MLXIP: variants seen among roughly 807,000 people sequenced by gnomAD.
MLXIP encodes the protein MLX-interacting protein.
MLXIP carries 30 observed loss-of-function variants against 87.2 expected under a neutral mutation model. The observed-to-expected ratio is 0.34, with a 90% confidence interval of 0.26 to 0.47. The LOEUF is 0.47. MLXIP is among the 20% of genes least tolerant of loss of function. The probability of loss-of-function intolerance (pLI) is 1.00; values close to 1 mark genes in which losing one functional copy is unlikely to be tolerated. For synonymous variants in MLXIP, 530 were observed against 514.0 expected, an observed-to-expected ratio of 1.03 and a Z score of -0.42; for missense variants, 1,002 against 1,240.1, an observed-to-expected ratio of 0.81 and a Z score of 2.88.
chr12:122,096,008 G>A (rs1952346103), intron 1 of MLXIP, among the ~76,000 whole-genome samples: 1 of 152,036 alleles, frequency 6.6e-6, no homozygotes, highest in African/African-American at 2.4e-5. Flanking sequence ...GGGACTACAG[G>A]CTTGGGCCAC....
intron 1 of MLXIP, among the ~76,000 whole-genome samples, chr12:122,095,009 TGTG>T (rs1414592291): frequency 1.1e-4 from 16 of 144,666 alleles, no homozygotes; most frequent in Admixed American, 2.8e-4. Flanking sequence ...GTCTGTGTGG[TGTG>T]GTGTTGGTGT....
rs573243484 is a variant in MLXIP at position 122,128,717 on chromosome 12, G to C, written c.607-420G>C. 16 of 173,124 alleles carry C rather than the reference G, an allele frequency of 9.2e-5. No homozygotes were observed. The South Asian group carries it at 2.0e-3, about 22-fold the overall frequency. The allele number at this position is 173,124 out of a possible 1,614,324, so 10.7% of individuals were successfully genotyped here. On this transcript the variant is annotated intron_variant, in intron 3 of 16. Transcript: ENST00000319080. ...GCGAAGGTTGGATGAGAGGCCCCTG[G>C]AGGGCACATTCCACCTGAAACTTCC...
At position 122,078,858 on chromosome 12, in the gene MLXIP, C is replaced by T; in HGVS notation, c.5C>T (p.Ala2Val). 1 of 1,090,066 alleles carries T rather than the reference C, an allele frequency of 9.2e-7. No individual in the cohort carries two copies. The highest frequency in any genetic ancestry group is 1.1e-6 in the Non-Finnish European group (1 of 896,236). The allele number at this position is 1,090,066 out of a possible 1,614,324, so 67.5% of individuals were successfully genotyped here. ...GCCCCCGGCCGAGCCCTTCTCATGG[C>T]CGCCGACGTCTTCATGTGCTCCCCG... is the stretch of plus-strand genomic sequence containing the variant. M[A>V]ADVFMCSPRR... is the part of the protein sequence containing the mutation. Residue 2 changes from alanine (A) to valine (V), a missense_variant, in exon 1 of 17, where the codon GCC (alanine) becomes GTC (valine). Around this residue, in one of 3 missense-constraint regions of MLXIP, gnomAD observed 129 missense variants for 104.2 expected, o/e 1.24. Transcript: ENST00000319080.
rs756124953 is a variant in MLXIP at position 122,140,963 on chromosome 12, A to G, written c.2518A>G (p.Ile840Val). ...TAACCACACACTGCAGTTCAGCATC[A>G]TCATCAAGCCGCTGTTTGAGTCGTT... is the stretch of plus-strand genomic sequence containing the variant. ...QNWKFWIFSI[I>V]IKPLFESFKG... The change falls in exon 16 of 17, where the codon ATC becomes GTC. Residue 840 changes from isoleucine (I) to valine (V), a missense_variant. Physicochemically the swap from Ile to Val is conservative, Grantham distance 29. Around this residue, in one of 3 missense-constraint regions of MLXIP, gnomAD observed 746 missense variants for 897.0 expected, o/e 0.83. Transcript: ENST00000319080. 49 of 1,613,838 alleles carry G rather than the reference A, an allele frequency of 3.0e-5. No homozygotes were observed. Among genetic ancestry groups the G allele is most frequent in the Admixed American group, 6.7e-5 (4 of 60,002 alleles).
intron 1 of MLXIP, among the ~76,000 whole-genome samples, chr12:122,081,875 C>T (rs1952096446): frequency 6.6e-6 from 1 of 152,198 alleles, no homozygotes. Flanking sequence ...AACTTCCTGT[C>T]TGTCCTCTGG....
rs1953025870 is a variant in MLXIP at position 122,133,653 on chromosome 12, C to T, written c.1398C>T (p.Pro466=). ...CTGCCCTGAACCCCCCGGCTCCACCCACCTTCCATCAGCCACAGAAGTTTG... is the reference window on the plus strand; with the variant it reads ...CTGCCCTGAACCCCCCGGCTCCACCTACCTTCCATCAGCCACAGAAGTTTG... ...PATALNPPAP[P]TFHQPQKFAG... The change falls in exon 9 of 17, where the codon CCC becomes CCT. Residue 466 remains proline (P), a synonymous_variant. Coordinates refer to ENST00000319080, the MANE Select transcript of MLXIP (RefSeq NM_014938.6). The surrounding 1 kb of genome is among the most constrained non-coding windows in gnomAD (Gnocchi z 4.9). 6.2e-7 allele frequency: 1 copy of T among 1,613,478 alleles called. No homozygotes were observed. Among genetic ancestry groups the T allele is most frequent in the Non-Finnish European group, 8.5e-7 (1 of 1,179,758 alleles).
At chr12:122,125,342 A>AAT (rs11285462) in intron 1 of MLXIP, among the ~76,000 whole-genome samples, 3 of 152,014 alleles carry the variant, frequency 2.0e-5, no homozygotes, top group African/African-American at 7.3e-5. Flanking sequence ...AAAAAAAAAA[A>AAT]AAATTATTCC....
chr12:122,135,462 G>A lies in MLXIP; in HGVS notation c.1855-27G>A, dbSNP rs1301565592. On this transcript the variant is annotated intron_variant, in intron 10 of 16. Coordinates refer to ENST00000319080, the MANE Select transcript of MLXIP (RefSeq NM_014938.6). This position sits in a 1 kb window ranked among gnomAD's most constrained non-coding sequence, Gnocchi z 5.3. The stretch of plus-strand genomic sequence containing the variant: ...GCCCTGCTGTATATCAGCAGTCAGG[G>A]GTGACCTGTCTCCCATGTCACTGCA... 1.2e-6 allele frequency: 2 copies of A among 1,609,264 alleles called. No homozygotes were observed. Among genetic ancestry groups the A allele is most frequent in the Non-Finnish European group, 8.5e-7 (1 of 1,178,190 alleles).
intron 1 of MLXIP, among the ~76,000 whole-genome samples, chr12:122,118,305 C>T (rs893870042): frequency 5.3e-5 from 8 of 152,114 alleles, no homozygotes; most frequent in Admixed American, 1.3e-4. Flanking sequence ...TTTCAGACAG[C>T]GGTTGATCAT....
chr12:122,118,912 AT>A (rs1481799189), intron 1 of MLXIP, among the ~76,000 whole-genome samples: 1 of 151,698 alleles, frequency 6.6e-6, no homozygotes, highest in Admixed American at 6.6e-5. Context: ...CGTGCCTGTA[AT>A]CCCAGCACTT....
At chr12:122,106,176 A>G (rs73417665) in intron 1 of MLXIP, among the ~76,000 whole-genome samples, 6,475 of 152,266 alleles carry the variant, frequency 0.043, 425 homozygotes, top group African/African-American at 0.15. Flanking sequence ...AGGGAAGAGC[A>G]TGGGCCAGAA....
At position 122,121,010 on chromosome 12, in the gene MLXIP, G is replaced by GTTTTTTTTTTTTTTTTTTTTT. The variant is rs1233404015; in HGVS notation, c.414-6228_414-6227insTTTTTTTTTTTTTTTTTTTTT. The stretch of plus-strand genomic sequence containing the variant: ...AGCCCCAGAGCCCTCTGCATGCTTG[G>GTTTTTTTTTTTTTTTTTTTTT]TTTTTTTTTTTTTTTTTTGAAACGG... On this transcript the variant is annotated intron_variant, in intron 1 of 16. Coordinates refer to ENST00000319080, the MANE Select transcript of MLXIP (RefSeq NM_014938.6). Among the ~76,000 whole-genome samples the GTTTTTTTTTTTTTTTTTTTTT allele has an allele frequency of 2.0e-3, 223 of 111,860 alleles. 28 individuals are homozygous for GTTTTTTTTTTTTTTTTTTTTT. Among genetic ancestry groups the GTTTTTTTTTTTTTTTTTTTTT allele is most frequent in the African/African-American group, 7.3e-3 (200 of 27,422 alleles). 73.4% of individuals were successfully genotyped at this position (111,860 alleles called of 152,430 possible). A position where few individuals can be genotyped will look rare whatever the true frequency, so the allele number is the denominator to read the frequency against.
At position 122,135,485 on chromosome 12, in the gene MLXIP, G is replaced by A. The variant is rs1953071696; in HGVS notation, c.1855-4G>A. On this transcript the variant is annotated splice_region_variant and splice_polypyrimidine_tract_variant and intron_variant, in intron 10 of 16. Transcript: ENST00000319080. This position sits in a 1 kb window ranked among gnomAD's most constrained non-coding sequence, Gnocchi z 5.3. ...GGGGTGACCTGTCTCCCATGTCACT[G>A]CAGGCTCCTGGGGTCCCGGAGTTCC... The A allele has an allele frequency of 6.2e-7, 1 of 1,609,422 alleles. No individual in the cohort carries two copies. The highest frequency in any genetic ancestry group is 1.3e-5 in the African/African-American group (1 of 74,860).
At chr12:122,138,774 C>T (rs1953142182) in intron 14 of MLXIP, 41 bp from the exon 15 acceptor site, 2 of 1,604,658 alleles carry the variant, frequency 1.2e-6, no homozygotes, top group Admixed American at 1.7e-5. Flanking sequence ...CCTTATTGGC[C>T]ACTGGCTGCT....
intron 1 of MLXIP, among the ~76,000 whole-genome samples, chr12:122,081,556 C>T (rs1239429017): frequency 1.3e-5 from 2 of 152,124 alleles, no homozygotes; most frequent in Non-Finnish European, 2.9e-5. Context: ...GGCGTGGTGG[C>T]TCATGCCTGT....
Position 122,137,554 on chromosome 12 carries a change from A to G in MLXIP, c.2118A>G (p.Ser706=), listed in dbSNP as rs750185689. The G allele has an allele frequency of 1.1e-5, 18 of 1,613,904 alleles. No individual in the cohort carries two copies. The highest frequency in any genetic ancestry group is 1.5e-5 in the Non-Finnish European group (18 of 1,179,896). The change falls in exon 12 of 17, where the codon TCA becomes TCG. Residue 706 remains serine, a synonymous_variant. Transcript: ENST00000319080. The surrounding 1 kb of genome is among the most constrained non-coding windows in gnomAD (Gnocchi z 4.1). ...CTCAATCTCCCCAGAACAACTGCTC[A>G]GGGAAATCCGACCCCAAAAATGTGG... ...PSPQSPQNNC[S]GKSDPKNVAA...
intron 1 of MLXIP, among the ~76,000 whole-genome samples, chr12:122,100,293 G>T (rs1356080803): frequency 6.6e-6 from 1 of 152,168 alleles, no homozygotes; most frequent in Admixed American, 6.5e-5. Flanking sequence ...AGGTTGGCTT[G>T]CTATTAAAAT....
At chr12:122,108,540 C>T (rs1320216043) in intron 1 of MLXIP, among the ~76,000 whole-genome samples, 4 of 152,010 alleles carry the variant, frequency 2.6e-5, no homozygotes, top group Non-Finnish European at 5.9e-5. Context: ...AAATGGTTGG[C>T]TTCAAGTTTT....
rs1351424470 is a variant in MLXIP, at chr12:122,079,119, G to A, written c.266G>A (p.Arg89Gln). 6.5e-7 allele frequency: 1 copy of A among 1,550,086 alleles called. No homozygotes were observed. Among genetic ancestry groups the A allele is most frequent in the Admixed American group, 2.0e-5 (1 of 50,966 alleles). Residue 89 changes from arginine (R) to glutamine (Q), a missense_variant, in exon 1 of 17, where the codon CGA becomes CAA. Transcript: ENST00000319080. ...CACTTCATGGTGTCGTCGCCGCACC[G>A]AGAGCACCCGCCCAAGAAGGGCTAC... Reference protein sequence around the residue: ...SGHFMVSSPHREHPPKKGYDF... With the variant: ...SGHFMVSSPHQEHPPKKGYDF...
Sources: gnomAD v4.1 joint callset for allele counts (sites outside exome capture counted in the v4.1 genomes callset) on GRCh38, gnomAD v4.1.1 for gene constraint, gnomAD v4.1.1 regional missense constraint, Gnocchi (gnomAD v3.1) non-coding constraint, MANE v1.5 for transcripts, NCBI Gene and HGNC (gene_info 2026-07-23, HGNC 2026-07-21) for gene names.